The following PTPRD variants were observed in gnomAD, a reference collection of about 807,000 sequenced individuals.
PTPRD encodes protein tyrosine phosphatase receptor type D.
PTPRD carries 34 observed loss-of-function variants against 214.5 expected under a neutral mutation model. The observed-to-expected ratio is 0.16, with a 90% confidence interval of 0.12 to 0.21. The LOEUF (loss-of-function observed/expected upper bound fraction) is 0.21. Among genes scored for constraint, PTPRD ranks in the 10% least tolerant of loss-of-function variants. The probability of loss-of-function intolerance (pLI) is 1.00; values close to 1 mark genes in which losing one functional copy is unlikely to be tolerated. For missense variants in PTPRD, 2,545 were observed against 2,398.7 expected, an observed-to-expected ratio of 1.06 and a Z score of -1.27; for synonymous variants, 1,128 against 845.7, an observed-to-expected ratio of 1.33 and a Z score of -5.79.
intron 2 of PTPRD, among the ~76,000 whole-genome samples, chr9:10,519,206 C>T (rs2051264914): frequency 8.7e-6 from 1 of 114,542 alleles, no homozygotes; most frequent in Admixed American, 1.3e-4. Context: ...AAATCTAGGT[C>T]ATTTTATTCA....
intron 2 of PTPRD, among the ~76,000 whole-genome samples, chr9:10,366,394 T>G (rs2097517585): frequency 6.6e-6 from 1 of 152,190 alleles, no homozygotes; most frequent in Admixed American, 6.6e-5. Flanking sequence ...CTGCTCTGGT[T>G]TGACATTTGC....
At chr9:9,108,185 T>A (rs1299663269) in intron 10 of PTPRD, among the ~76,000 whole-genome samples, 1 of 152,146 alleles carries the variant, frequency 6.6e-6, no homozygotes, top group Non-Finnish European at 1.5e-5. Flanking sequence ...CTTATATTAT[T>A]TACGTTTGTC....
rs148424762 is a variant in PTPRD, at chr9:10,335,856, C to T, written c.-545+5107G>A. On this transcript the variant is annotated intron_variant, in intron 3 of 45. Coordinates refer to ENST00000381196, the MANE Select transcript of PTPRD (RefSeq NM_002839.4). Reference sequence around the variant, plus strand: ...GCATGTGAAAAGATGCTCACCATGTCATCAGGGAAAAGCAACTTAAAACAA... The same window carrying T: ...GCATGTGAAAAGATGCTCACCATGTTATCAGGGAAAAGCAACTTAAAACAA... 3.6e-3 allele frequency among the ~76,000 whole-genome samples: 540 copies of T among 151,840 alleles called. 6 individuals are homozygous for T. Among genetic ancestry groups the T allele is most frequent in the African/African-American group, 0.012 (516 of 41,496 alleles).
intron 11 of PTPRD, among the ~76,000 whole-genome samples, chr9:8,808,964 G>A (rs1326249506): frequency 6.6e-6 from 1 of 152,044 alleles, no homozygotes; most frequent in African/African-American, 2.4e-5. Flanking sequence ...TGGAACACAA[G>A]TGCTTAAGCA....
intron 7 of PTPRD, among the ~76,000 whole-genome samples, chr9:9,726,486 G>T (rs2098094247): frequency 6.6e-6 from 1 of 152,034 alleles, no homozygotes; most frequent in Non-Finnish European, 1.5e-5. Context: ...ACTTACCATT[G>T]TTCAGTGCTT....
chr9:9,095,229 C>T (rs1441444620), intron 10 of PTPRD, among the ~76,000 whole-genome samples: 1 of 152,008 alleles, frequency 6.6e-6, no homozygotes, highest in Non-Finnish European at 1.5e-5. Flanking sequence ...CACTCCCACC[C>T]AACATACTGC....
chr9:9,369,847 G>T (rs1045445781), intron 9 of PTPRD, among the ~76,000 whole-genome samples: 47 of 152,064 alleles, frequency 3.1e-4, no homozygotes, highest in Admixed American at 1.0e-3. Context: ...AGTTTTCCCA[G>T]AACCATTTAT....
At chr9:8,617,363 G>A (rs1381359798) in intron 14 of PTPRD, among the ~76,000 whole-genome samples, 3 of 152,210 alleles carry the variant, frequency 2.0e-5, no homozygotes, top group African/African-American at 7.2e-5. Flanking sequence ...CACTTCTCAG[G>A]AGAGAGAACT....
At chr9:8,696,329 A>G (rs1386904457) in intron 12 of PTPRD, among the ~76,000 whole-genome samples, 3 of 152,192 alleles carry the variant, frequency 2.0e-5, no homozygotes, top group African/African-American at 7.2e-5. Context: ...GCTCTCTCCC[A>G]TTAACTCATT....
intron 2 of PTPRD, among the ~76,000 whole-genome samples, chr9:10,384,456 A>G (rs1205410912): frequency 6.6e-6 from 1 of 151,810 alleles, no homozygotes; most frequent in African/African-American, 2.4e-5. Context: ...AATTGAATCA[A>G]TAATACATAT....
At chr9:9,416,915 C>T (rs893715335) in intron 8 of PTPRD, among the ~76,000 whole-genome samples, 1 of 131,038 alleles carries the variant, frequency 7.6e-6, no homozygotes, top group African/African-American at 3.0e-5. Context: ...TTGTTTTTTT[C>T]CCTCAATACA....
At chr9:8,978,685 A>G (rs1322003796) in intron 11 of PTPRD, among the ~76,000 whole-genome samples, 1 of 152,116 alleles carries the variant, frequency 6.6e-6, no homozygotes, top group African/African-American at 2.4e-5. Flanking sequence ...AGGCACAAGT[A>G]TAACCTACAT....
intron 3 of PTPRD, among the ~76,000 whole-genome samples, chr9:10,036,716 C>G (rs1340444416): frequency 1.3e-5 from 2 of 151,924 alleles, no homozygotes; most frequent in Non-Finnish European, 2.9e-5. Flanking sequence ...TCCCAAGAAG[C>G]TGGATTACAG....
intron 11 of PTPRD, among the ~76,000 whole-genome samples, chr9:8,908,708 C>T (rs1030060586): frequency 1.3e-5 from 2 of 151,308 alleles, no homozygotes; most frequent in Non-Finnish European, 3.0e-5. Flanking sequence ...ACAAATTAAA[C>T]CCCAAAACAA....
chr9:9,943,450 A>G (rs921869627), intron 4 of PTPRD, among the ~76,000 whole-genome samples: 5 of 152,204 alleles, frequency 3.3e-5, no homozygotes, highest in African/African-American at 7.2e-5. Context: ...TATTTGAAAT[A>G]CTATGTGTAG....
intron 9 of PTPRD, among the ~76,000 whole-genome samples, chr9:9,195,086 G>GTATATATA (rs540804635): frequency 0.012 from 1,596 of 131,138 alleles, 24 homozygotes; most frequent in African/African-American, 0.018. Flanking sequence ...GTGTGTTTGT[G>GTATATATA]TATATATATA....
In PTPRD at chr9:9,661,309, C is replaced by A. The variant is rs2096617629; in HGVS notation, c.-287+73224G>T. On this transcript the variant is annotated intron_variant, in intron 7 of 45. Transcript: ENST00000381196. ...CACTACCCCAAAAGTAATATCTTAACAATCAGTGCTTCAGATGAATTAAAC... is the reference window on the plus strand; with the variant it reads ...CACTACCCCAAAAGTAATATCTTAAAAATCAGTGCTTCAGATGAATTAAAC... Among the ~76,000 whole-genome samples, 3 of 151,854 alleles carry A rather than the reference C, an allele frequency of 2.0e-5. No homozygotes were observed. The South Asian group carries it at 6.2e-4, about 31-fold the overall frequency.
intron 7 of PTPRD, among the ~76,000 whole-genome samples, chr9:9,594,381 G>C (rs556122262): frequency 6.6e-6 from 1 of 152,082 alleles, no homozygotes; most frequent in South Asian, 2.1e-4. Context: ...TCCAATGTTA[G>C]CTTGTAGAAT....
rs1001906572 is a variant in PTPRD, at chr9:9,459,197, G to C, written c.-236-61715C>G. On this transcript the variant is annotated intron_variant, in intron 8 of 45. Transcript: ENST00000381196. ...ATATCACTACAGCAAAGCAGTATTT[G>C]AGAAAGCCACCACACAAAAGCTATC... Among the ~76,000 whole-genome samples the C allele has an allele frequency of 8.6e-5, 13 of 152,000 alleles. 1 individual carries two copies. The highest frequency in any genetic ancestry group is 2.9e-5 in the Non-Finnish European group (2 of 67,994).
Sources: gnomAD v4.1 joint callset for allele counts (sites outside exome capture counted in the v4.1 genomes callset) on GRCh38, gnomAD v4.1.1 for gene constraint, MANE v1.5 for transcripts, NCBI Gene and HGNC (gene_info 2026-07-23, HGNC 2026-07-21) for gene names.